The following NSRP1 variants were observed in gnomAD, a reference collection of about 807,000 sequenced individuals.
NSRP1 encodes coiled-coil domain containing 55.
NSRP1 carries 24 observed loss-of-function variants against 54.7 expected under a neutral mutation model. The observed-to-expected ratio is 0.44, with a 90% CI of 0.32 to 0.62. The LOEUF (loss-of-function observed/expected upper bound fraction) is 0.62. Among genes scored for constraint, NSRP1 ranks in the 20% least tolerant of loss-of-function variants. NSRP1 has a pLI of 0.06. For synonymous variants in NSRP1, 210 were observed against 213.8 expected, an observed-to-expected ratio of 0.98 and a Z score of 0.15; for missense variants, 596 against 651.2, an observed-to-expected ratio of 0.92 and a Z score of 0.92.
At chr17:30,151,464 ATGT>A (rs774639673) in intron 2 of NSRP1, among the ~76,000 whole-genome samples, 15 of 152,210 alleles carry the variant, frequency 9.9e-5, no homozygotes, top group Admixed American at 7.9e-4. Context: ...AGAAAAGAAA[ATGT>A]TATTAGGAAA....
At chr17:30,163,217 G>A (rs1245346400) in intron 2 of NSRP1, 1 of 145,114 alleles carries the variant, frequency 6.9e-6, no homozygotes, top group African/African-American at 2.7e-5. Flanking sequence ...GTGTGTGTGT[G>A]TGTGTGTGTG....
chr17:30,132,142 G>C (rs2071705789), intron 2 of NSRP1, among the ~76,000 whole-genome samples: 1 of 151,558 alleles, frequency 6.6e-6, no homozygotes, highest in Admixed American at 6.6e-5. Context: ...CAGCTACTCC[G>C]GAGGCTGAGG....
At chr17:30,122,533 T>C (rs557291909) in intron 2 of NSRP1, 4 of 149,330 alleles carry the variant, frequency 2.7e-5, no homozygotes, top group African/African-American at 9.8e-5. Context: ...GCCTCCTGAG[T>C]AGCTGGGATT....
chr17:30,117,018 C>A, intron 1 of NSRP1, 155 bp downstream of exon 1: 1 of 963,808 alleles, frequency 1.0e-6, no homozygotes, highest in Non-Finnish European at 1.6e-6. Context: ...ACATAGATTC[C>A]CCTCCCCCGT....
chr17:30,185,044 C>A lies in NSRP1; in HGVS notation c.1047C>A (p.Ala349=). 1 of 1,614,000 alleles carries A rather than the reference C, an allele frequency of 6.2e-7. No homozygotes were observed. Among genetic ancestry groups the A allele is most frequent in the Non-Finnish European group, 8.5e-7 (1 of 1,180,006 alleles). Reference sequence around the variant, plus strand: ...GGGATTCTCATAGGCACAGAGAGGCCAGTCATAGAGATTCCCATTGGAAGA... The same window carrying A: ...GGGATTCTCATAGGCACAGAGAGGCAAGTCATAGAGATTCCCATTGGAAGA... ...KERDSHRHRE[A]SHRDSHWKRH... The change falls in exon 7 of 7, where the codon GCC becomes GCA. Residue 349 remains alanine (A), a synonymous_variant. Coordinates refer to ENST00000247026, the MANE Select transcript of NSRP1 (RefSeq NM_032141.4).
intron 2 of NSRP1, chr17:30,144,368 C>G (rs1326308557): frequency 1.3e-5 from 2 of 151,644 alleles, no homozygotes; most frequent in Non-Finnish European, 2.9e-5. Flanking sequence ...TCAAGAGATT[C>G]TCCTGCCTCA....
chr17:30,152,198 C>T (rs944306612), intron 2 of NSRP1, among the ~76,000 whole-genome samples: 4 of 152,006 alleles, frequency 2.6e-5, no homozygotes, highest in South Asian at 2.1e-4. Flanking sequence ...TCTCGGCTCA[C>T]GGCAACCTCT....
chr17:30,161,127 C>T (rs924975566), intron 2 of NSRP1, among the ~76,000 whole-genome samples: 2 of 152,160 alleles, frequency 1.3e-5, no homozygotes, highest in South Asian at 4.2e-4. Context: ...AAGTAGATAA[C>T]CCCCCCATAC....
At chr17:30,181,260 A>C (rs1567807992) in intron 6 of NSRP1, among the ~76,000 whole-genome samples, 1 of 152,182 alleles carries the variant, frequency 6.6e-6, no homozygotes, top group Non-Finnish European at 1.5e-5. Flanking sequence ...ACAGTGATTG[A>C]GTTTAATATT....
intron 2 of NSRP1, among the ~76,000 whole-genome samples, chr17:30,121,602 C>T (rs2071598270): frequency 6.9e-6 from 1 of 144,756 alleles, no homozygotes. Flanking sequence ...GAGTCTCTGT[C>T]ACTCAGGCTG....
chr17:30,155,651 C>T (rs2071954946), intron 2 of NSRP1, among the ~76,000 whole-genome samples: 1 of 152,064 alleles, frequency 6.6e-6, no homozygotes, highest in Non-Finnish European at 1.5e-5. Context: ...TCAAGTGATC[C>T]TCTTGCCTCA....
rs776354605 is a variant in NSRP1, at chr17:30,179,099, A to C, written c.310A>C (p.Ile104Leu). The change falls in exon 5 of 7, where the codon ATT (isoleucine) becomes CTT (leucine). Residue 104 changes from isoleucine (I) to leucine (L), a missense_variant. Ile to Leu is a conservative substitution (Grantham distance 5, BLOSUM62 2). Coordinates refer to ENST00000247026, the MANE Select transcript of NSRP1 (RefSeq NM_032141.4). ...LLGKDRKPKYIHNLLKAVEIR... is the reference protein window; with the variant it reads ...LLGKDRKPKYLHNLLKAVEIR... ...TTTTTTATTTCCTTAGCCCAAGTAT[A>C]TTCACAACTTGCTAAAAGCAGTTGA... 1 of 1,573,016 alleles carries C rather than the reference A, an allele frequency of 6.4e-7. No homozygotes were observed. Among genetic ancestry groups the C allele is most frequent in the Non-Finnish European group, 8.6e-7 (1 of 1,156,808 alleles).
Position 30,185,645 on chromosome 17 carries a change from A to G in NSRP1, c.1648A>G (p.Lys550Glu), listed in dbSNP as rs1338983709. The part of the protein sequence containing the change: ...LARQMARVNA[K>E]TYIEKEDD ...CAGGCAGATGGCGCGGGTTAATGCA[A>G]AGACCTATATTGAGAAAGAAGATGA... The change falls in exon 7 of 7, where the codon AAG (lysine) becomes GAG (glutamate). Residue 550 changes from lysine to glutamate, a missense_variant. Lys to Glu is a moderately conservative substitution (Grantham distance 56, BLOSUM62 1). Transcript: ENST00000247026. 2 of 1,606,596 alleles carry G rather than the reference A, an allele frequency of 1.2e-6. No individual in the cohort carries two copies. Among genetic ancestry groups the G allele is most frequent in the East Asian group, 2.2e-5 (1 of 44,856 alleles).
chr17:30,171,769 C>T lies in NSRP1; in HGVS notation c.115-773C>T, dbSNP rs568757534. On this transcript the variant is annotated intron_variant, in intron 2 of 6. Coordinates refer to ENST00000247026, the MANE Select transcript of NSRP1 (RefSeq NM_032141.4). ...GGTACATAGTTTTTGATTATTGCCA[C>T]GAATAGTTGCTGCTGTCCCTAAGCC... Among the ~76,000 whole-genome samples the T allele has an allele frequency of 9.2e-5, 14 of 152,152 alleles. 1 individual carries two copies. Among genetic ancestry groups the T allele is most frequent in the Admixed American group, 7.2e-4 (11 of 15,282 alleles).
rs139035283 is a variant in NSRP1 at position 30,163,149 on chromosome 17, C to T, written c.115-9393C>T. ...ATCCAGCCGCCTCAGCCTCCCAAAGCGCTGGGATTACAGGCATGTACCACC... is the reference window on the plus strand; with the variant it reads ...ATCCAGCCGCCTCAGCCTCCCAAAGTGCTGGGATTACAGGCATGTACCACC... On this transcript the variant is annotated intron_variant, in intron 2 of 6. Transcript: ENST00000247026. 7.3e-3 allele frequency: 1,099 copies of T among 150,722 alleles called. 20 individuals are homozygous for T. The highest frequency in any genetic ancestry group is 0.026 in the African/African-American group (1,043 of 40,460). 9.3% of individuals were successfully genotyped at this position (150,722 alleles called of 1,614,324 possible).
rs1239881855 is a variant in NSRP1 at position 30,185,388 on chromosome 17, A to G, written c.1391A>G (p.Asp464Gly). Residue 464 changes from aspartate to glycine, a missense_variant, in exon 7 of 7, where the codon GAT (aspartate) becomes GGT (glycine). Asp to Gly is a moderately conservative substitution (Grantham distance 94). Transcript: ENST00000247026. ...AGCAGCCCAAATTCTAGGGCAAAGG[A>G]TAAATTTCTTGACCAAGAAAGATCC... ...KESSPNSRAKDKFLDQERSNK... is the reference protein window; with the variant it reads ...KESSPNSRAKGKFLDQERSNK... The G allele has an allele frequency of 6.2e-7, 1 of 1,612,406 alleles. No homozygotes were observed. Among genetic ancestry groups the G allele is most frequent in the African/African-American group, 1.3e-5 (1 of 74,740 alleles).
intron 2 of NSRP1, among the ~76,000 whole-genome samples, chr17:30,153,087 G>GTATTTT (rs1166920348): frequency 6.6e-6 from 1 of 151,464 alleles, no homozygotes; most frequent in Non-Finnish European, 1.5e-5. Context: ...GCTAATTTTT[G>GTATTTT]TATTTTTTTA....
intron 3 of NSRP1, 182 bp from the exon 4 acceptor site, chr17:30,177,889 G>T: frequency 1.4e-6 from 1 of 709,104 alleles, no homozygotes; most frequent in Non-Finnish European, 2.5e-6. Flanking sequence ...ATTAGTAAGT[G>T]TAGAGCCAGC....
At chr17:30,177,173 C>T (rs1023225060) in intron 3 of NSRP1, among the ~76,000 whole-genome samples, 2 of 152,004 alleles carry the variant, frequency 1.3e-5, no homozygotes, top group Non-Finnish European at 2.9e-5. Context: ...GAGTTCAAGA[C>T]CAGCCTGAGC....
Sources: gnomAD v4.1 joint callset for allele counts (sites outside exome capture counted in the v4.1 genomes callset) on GRCh38, gnomAD v4.1.1 for gene constraint, MANE v1.5 for transcripts, NCBI Gene and HGNC (gene_info 2026-07-23, HGNC 2026-07-21) for gene names.